The following UNC5D variants were observed in gnomAD, a reference collection of about 807,000 sequenced individuals.
UNC5D encodes the protein unc-5 netrin receptor D.
In UNC5D, 39 loss-of-function variants were observed where a neutral mutation model predicts 105.4. That is an observed-to-expected ratio of 0.37 (90% confidence interval 0.29 to 0.48). The LOEUF (loss-of-function observed/expected upper bound fraction) is 0.48, where lower values mean the gene tolerates loss of function less well. Ranked by LOEUF, UNC5D falls within the 20% of genes least tolerant of loss-of-function variation. The probability of loss-of-function intolerance (pLI) is 0.98; values close to 1 mark genes in which losing one functional copy is unlikely to be tolerated. For synonymous variants in UNC5D, 452 were observed against 450.4 expected (o/e 1.00, Z -0.04); for missense variants, 991 against 1,202.4 (o/e 0.82, Z 2.60).
intron 16 of UNC5D, among the ~76,000 whole-genome samples, chr8:35,789,016 A>C (rs922297825): frequency 2.0e-5 from 3 of 150,758 alleles, no homozygotes; most frequent in Non-Finnish European, 3.0e-5. Flanking sequence ...TAAAGAGGAG[A>C]AAGGGACGAA....
At chr8:35,295,139 T>G (rs1187206525) in intron 1 of UNC5D, among the ~76,000 whole-genome samples, 3 of 152,210 alleles carry the variant, frequency 2.0e-5, no homozygotes, top group African/African-American at 7.2e-5. Flanking sequence ...TATGCAGTTA[T>G]GATTTAATAC....
intron 1 of UNC5D, among the ~76,000 whole-genome samples, chr8:35,361,634 G>A (rs1563344446): frequency 6.6e-6 from 1 of 152,100 alleles, no homozygotes; most frequent in African/African-American, 2.4e-5. Context: ...GAGGTGATTA[G>A]CTTGCAGCCA....
At chr8:35,706,158 A>T (rs1827563304) in intron 8 of UNC5D, among the ~76,000 whole-genome samples, 197 bp downstream of exon 8, 1 of 152,168 alleles carries the variant, frequency 6.6e-6, no homozygotes. Flanking sequence ...CCTCCCTCCC[A>T]GTAAAAATAA....
At position 35,790,837 on chromosome 8, in the gene UNC5D, G is replaced by T; in HGVS notation, c.*274G>T. On this transcript the variant is annotated 3_prime_UTR_variant, in exon 17 of 17. Transcript: ENST00000404895. ...TTTGGAGTGGCAAGGATAAAAGTGA[G>T]GGCAGAAGTAGCTGTGGGAAAAGAT... 2.1e-6 allele frequency: 1 copy of T among 477,682 alleles called. No homozygotes were observed. The highest frequency in any genetic ancestry group is 3.8e-6 in the Non-Finnish European group (1 of 265,108). The allele number at this position is 477,682 out of a possible 1,614,324, so 29.6% of individuals were successfully genotyped here.
intron 4 of UNC5D, among the ~76,000 whole-genome samples, chr8:35,677,266 C>T (rs1313336156): frequency 6.6e-6 from 1 of 152,032 alleles, no homozygotes. Flanking sequence ...ATACCCATGC[C>T]TCTGTCTAAA....
At chr8:35,260,307 T>A (rs1208456617) in intron 1 of UNC5D, among the ~76,000 whole-genome samples, 1 of 152,094 alleles carries the variant, frequency 6.6e-6, no homozygotes, top group Non-Finnish European at 1.5e-5. Context: ...AAGCACCATA[T>A]TTTACCTAGT....
intron 1 of UNC5D, among the ~76,000 whole-genome samples, chr8:35,290,802 G>A (rs1807001806): frequency 1.3e-5 from 2 of 151,926 alleles, no homozygotes; most frequent in Admixed American, 1.3e-4. Context: ...CACAAAATTA[G>A]CCAGGTGTGG....
intron 1 of UNC5D, among the ~76,000 whole-genome samples, chr8:35,304,494 A>G (rs1808193358): frequency 6.6e-6 from 1 of 152,130 alleles, no homozygotes; most frequent in Non-Finnish European, 1.5e-5. Flanking sequence ...AGACAAAGTA[A>G]AATGAATCAC....
At chr8:35,410,228 A>G (rs939750273) in intron 1 of UNC5D, among the ~76,000 whole-genome samples, 1 of 152,064 alleles carries the variant, frequency 6.6e-6, no homozygotes, top group South Asian at 2.1e-4. Flanking sequence ...CTTAACAAAG[A>G]TACTACTAAT....
intron 1 of UNC5D, among the ~76,000 whole-genome samples, chr8:35,486,378 T>C (rs921717221): frequency 7.2e-5 from 11 of 152,156 alleles, no homozygotes; most frequent in African/African-American, 2.7e-4. Context: ...TGAAGTTCAA[T>C]ACTAATACCG....
At chr8:35,287,507 A>C (rs1806689940) in intron 1 of UNC5D, among the ~76,000 whole-genome samples, 2 of 152,124 alleles carry the variant, frequency 1.3e-5, no homozygotes, top group African/African-American at 4.8e-5. Context: ...AGAAAGCTTC[A>C]AAGAAGACTG....
chr8:35,340,187 G>C (rs1054333398), intron 1 of UNC5D, among the ~76,000 whole-genome samples: 3 of 152,078 alleles, frequency 2.0e-5, no homozygotes, highest in African/African-American at 4.8e-5. Context: ...ATGAACCCTT[G>C]CCTGCCTCCA....
At chr8:35,271,747 A>G (rs1219039806) in intron 1 of UNC5D, among the ~76,000 whole-genome samples, 1 of 132,464 alleles carries the variant, frequency 7.5e-6, no homozygotes, top group East Asian at 2.1e-4. Flanking sequence ...ATATATTTAT[A>G]CATGTATACA....
At chr8:35,346,829 C>T (rs149543416) in intron 1 of UNC5D, among the ~76,000 whole-genome samples, 8 of 151,984 alleles carry the variant, frequency 5.3e-5, no homozygotes, top group Admixed American at 5.3e-4. Flanking sequence ...GTGTTCACTG[C>T]TCCTTAATAT....
intron 11 of UNC5D, among the ~76,000 whole-genome samples, chr8:35,737,300 G>GTGTGTGTGTGTGTGTGTGTGTT (rs57002738): frequency 4.6e-5 from 6 of 130,162 alleles, no homozygotes; most frequent in African/African-American, 1.9e-4. Context: ...GTGTGTGTGT[G>GTGTGTGTGTGTGTGTGTGTGTT]TTAATGTGTG....
At chr8:35,417,621 AT>A (rs1183065491) in intron 1 of UNC5D, among the ~76,000 whole-genome samples, 3 of 151,252 alleles carry the variant, frequency 2.0e-5, no homozygotes, top group South Asian at 2.1e-4. Context: ...AAATATATAG[AT>A]TTTTTTTTAA....
At chr8:35,379,295 T>C (rs1802884960) in intron 1 of UNC5D, among the ~76,000 whole-genome samples, 1 of 152,194 alleles carries the variant, frequency 6.6e-6, no homozygotes, top group Non-Finnish European at 1.5e-5. Context: ...CTTAGTTACA[T>C]TTTAGCCCAA....
chr8:35,725,043 C>T (rs1828786022), intron 9 of UNC5D, among the ~76,000 whole-genome samples: 1 of 152,154 alleles, frequency 6.6e-6, no homozygotes, highest in Non-Finnish European at 1.5e-5. Flanking sequence ...AGCATCACAA[C>T]AAGAGATGGG....
chr8:35,319,911 G>C (rs1477619929), intron 1 of UNC5D, among the ~76,000 whole-genome samples: 2 of 152,004 alleles, frequency 1.3e-5, no homozygotes. Context: ...TCCCCCTTGA[G>C]CCAAAGAATC....
Sources: gnomAD v4.1 joint callset for allele counts (sites outside exome capture counted in the v4.1 genomes callset) on GRCh38, gnomAD v4.1.1 for gene constraint, MANE v1.5 for transcripts, NCBI Gene and HGNC (gene_info 2026-07-23, HGNC 2026-07-21) for gene names.